The following GRIK2 variants were observed in gnomAD, a reference collection of about 807,000 sequenced individuals.
GRIK2 encodes the protein glutamate receptor ionotropic, kainate 2.
Under a neutral mutation model 100.3 loss-of-function variants are expected in GRIK2, and 32 were observed. The observed-to-expected ratio is 0.32, with a 90% CI of 0.24 to 0.43. The LOEUF (loss-of-function observed/expected upper bound fraction) is 0.43. Among genes scored for constraint, GRIK2 ranks in the 20% least tolerant of loss-of-function variants. GRIK2 has a pLI of 1.00. For missense variants in GRIK2, 843 were observed against 1,114.9 expected (o/e 0.76, Z 3.47); for synonymous variants, 417 against 389.4 (o/e 1.07, Z -0.83).
At chr6:101,744,249 T>G (rs1776237160) in intron 7 of GRIK2, among the ~76,000 whole-genome samples, 1 of 151,810 alleles carries the variant, frequency 6.6e-6, no homozygotes, top group African/African-American at 2.4e-5. Context: ...GCCAGCAATA[T>G]GTAGTCTTTT....
chr6:101,693,153 T>G (rs940428813), intron 7 of GRIK2, among the ~76,000 whole-genome samples: 6 of 152,244 alleles, frequency 3.9e-5, no homozygotes, highest in South Asian at 2.1e-4. Flanking sequence ...AATTGATGGA[T>G]ATGGAATTTC....
chr6:101,942,692 A>G (rs148490344), intron 14 of GRIK2, among the ~76,000 whole-genome samples: 1 of 152,334 alleles, frequency 6.6e-6, no homozygotes, highest in African/African-American at 2.4e-5. Context: ...TTGGTGGAAG[A>G]AATTTCAAAG....
At chr6:101,795,953 C>T (rs1419146000) in intron 7 of GRIK2, among the ~76,000 whole-genome samples, 1 of 152,122 alleles carries the variant, frequency 6.6e-6, no homozygotes, top group Non-Finnish European at 1.5e-5. Flanking sequence ...TTTTGCAGTG[C>T]ATTTTCATTA....
intron 7 of GRIK2, among the ~76,000 whole-genome samples, chr6:101,764,668 G>A (rs1297363821): frequency 6.6e-6 from 1 of 151,966 alleles, no homozygotes; most frequent in African/African-American, 2.4e-5. Flanking sequence ...TTATTTTAAA[G>A]TTGAGGTCTC....
At chr6:101,923,941 A>C (rs868540950) in intron 12 of GRIK2, among the ~76,000 whole-genome samples, 5 of 151,488 alleles carry the variant, frequency 3.3e-5, no homozygotes, top group Admixed American at 6.6e-5. Flanking sequence ...AAAAAAAAAA[A>C]AAAAAACCAC....
At chr6:101,549,017 T>C (rs1776383387) in intron 2 of GRIK2, among the ~76,000 whole-genome samples, 1 of 152,196 alleles carries the variant, frequency 6.6e-6, no homozygotes, top group African/African-American at 2.4e-5. Context: ...GCTATGTTTA[T>C]CATTTATATC....
intron 14 of GRIK2, among the ~76,000 whole-genome samples, chr6:101,998,019 C>T (rs1562098684): frequency 6.6e-6 from 1 of 151,996 alleles, no homozygotes; most frequent in South Asian, 2.1e-4. Flanking sequence ...TATACATCAG[C>T]GAGAAAATAC....
At chr6:101,821,988 G>A (rs945388637) in intron 10 of GRIK2, among the ~76,000 whole-genome samples, 1 of 151,908 alleles carries the variant, frequency 6.6e-6, no homozygotes, top group Non-Finnish European at 1.5e-5. Flanking sequence ...AAATGATGAG[G>A]TATTCTGGAA....
chr6:101,840,594 A>G (rs1376203248), intron 10 of GRIK2, among the ~76,000 whole-genome samples: 1 of 152,194 alleles, frequency 6.6e-6, no homozygotes, highest in Non-Finnish European at 1.5e-5. Flanking sequence ...AAAAATCCAC[A>G]ATAACAGATG....
intron 2 of GRIK2, among the ~76,000 whole-genome samples, chr6:101,452,221 A>G (rs1194858033): frequency 6.6e-6 from 1 of 151,784 alleles, no homozygotes; most frequent in Non-Finnish European, 1.5e-5. Context: ...TGGCTATAGT[A>G]TTGATAATCA....
At chr6:101,672,158 C>G (rs1363190964) in intron 4 of GRIK2, among the ~76,000 whole-genome samples, 2 of 152,156 alleles carry the variant, frequency 1.3e-5, no homozygotes, top group South Asian at 2.1e-4. Flanking sequence ...CTCCCTCCCA[C>G]TGATGACACA....
intron 1 of GRIK2, among the ~76,000 whole-genome samples, chr6:101,396,872 T>C (rs1235986396): frequency 6.6e-6 from 1 of 152,076 alleles, no homozygotes; most frequent in African/African-American, 2.4e-5. Flanking sequence ...TAATTTACCA[T>C]ATGTGCAAAA....
intron 2 of GRIK2, among the ~76,000 whole-genome samples, chr6:101,578,760 A>G (rs2128301921): frequency 6.6e-6 from 1 of 152,248 alleles, no homozygotes; most frequent in Admixed American, 6.5e-5. Flanking sequence ...ATGAAGGCTC[A>G]TTTCTAGATT....
At chr6:102,022,423 AC>A (rs1334243473) in intron 14 of GRIK2, among the ~76,000 whole-genome samples, 1 of 151,728 alleles carries the variant, frequency 6.6e-6, no homozygotes. Context: ...TTTCCTAGTT[AC>A]TTTTGCATAC....
chr6:101,875,822 T>C (rs1010941679), intron 11 of GRIK2, among the ~76,000 whole-genome samples: 1 of 151,966 alleles, frequency 6.6e-6, no homozygotes, highest in Non-Finnish European at 1.5e-5. Context: ...AAGCTTAGAC[T>C]GATCAACCAT....
At chr6:101,647,743 A>C (rs1781598004) in intron 4 of GRIK2, among the ~76,000 whole-genome samples, 1 of 152,080 alleles carries the variant, frequency 6.6e-6, no homozygotes, top group African/African-American at 2.4e-5. Flanking sequence ...TTAAAAGGGC[A>C]GGCAATATAA....
chr6:101,705,019 ATAT>A (rs1562322891), intron 7 of GRIK2, among the ~76,000 whole-genome samples: 2 of 147,058 alleles, frequency 1.4e-5, no homozygotes, highest in South Asian at 2.1e-4. Flanking sequence ...TTATATTTAT[ATAT>A]TATATTACAT....
intron 2 of GRIK2, among the ~76,000 whole-genome samples, chr6:101,508,679 C>T (rs952270069): frequency 6.6e-6 from 1 of 152,058 alleles, no homozygotes; most frequent in African/African-American, 2.4e-5. Context: ...AGATCCTTGG[C>T]CTGGATAACA....
chr6:101,432,537 GT>G (rs1264012833), intron 2 of GRIK2, among the ~76,000 whole-genome samples: 1 of 152,132 alleles, frequency 6.6e-6, no homozygotes, highest in East Asian at 1.9e-4. Flanking sequence ...GATGAATGGG[GT>G]TCTGTCCCAT....
Sources: gnomAD v4.1 joint callset for allele counts (sites outside exome capture counted in the v4.1 genomes callset) on GRCh38, gnomAD v4.1.1 for gene constraint, MANE v1.5 for transcripts, NCBI Gene and HGNC (gene_info 2026-07-23, HGNC 2026-07-21) for gene names.